The following LINGO2 variants were observed in gnomAD, a reference collection of about 807,000 sequenced individuals.
LINGO2 encodes leucine-rich repeat and immunoglobulin-like domain-containing nogo receptor-interacting protein 2.
LINGO2 carries 14 observed loss-of-function variants against 30.6 expected under a neutral mutation model. The ratio of observed to expected loss-of-function variants is 0.46; its 90% CI spans 0.30 to 0.72. The LOEUF is 0.72. Among genes scored for constraint, LINGO2 ranks in the 30% least tolerant of loss-of-function variants. The pLI is 0.07. For missense variants in LINGO2, 729 were observed against 751.7 expected (o/e 0.97, Z 0.35); for synonymous variants, 317 against 288.5 (o/e 1.10, Z -1.00).
the LINGO2 span, among the ~76,000 whole-genome samples, chr9:28,787,672 T>C: frequency 1.3e-5 from 2 of 152,278 alleles, no homozygotes; most frequent in South Asian, 4.1e-4. Flanking sequence ...AGTATGATTA[T>C]TCCTAACACC....
At chr9:28,488,271 T>A (rs1048317602) in intron 1 of LINGO2, among the ~76,000 whole-genome samples, 10 of 152,088 alleles carry the variant, frequency 6.6e-5, no homozygotes, top group African/African-American at 2.4e-4. Flanking sequence ...TAAAAAGACA[T>A]TAAGAAAAAA....
At chr9:28,179,840 T>C (rs941560479) in intron 4 of LINGO2, among the ~76,000 whole-genome samples, 6 of 151,794 alleles carry the variant, frequency 4.0e-5, no homozygotes, top group South Asian at 2.1e-4. Context: ...AAGAAAACTG[T>C]AGTTTCTGAG....
the LINGO2 span, among the ~76,000 whole-genome samples, chr9:29,030,195 GAT>G: frequency 6.6e-6 from 1 of 151,992 alleles, no homozygotes; most frequent in Non-Finnish European, 1.5e-5. Context: ...TATTTCTAAA[GAT>G]ATTTGCCATT....
intron 1 of LINGO2, among the ~76,000 whole-genome samples, chr9:28,546,279 G>A (rs561886942): frequency 1.3e-5 from 2 of 151,954 alleles, no homozygotes; most frequent in Admixed American, 6.6e-5. Flanking sequence ...TATAGCAAAA[G>A]GCAGGTTAAT....
upstream of LINGO2, among the ~76,000 whole-genome samples, chr9:28,671,769 C>A (rs1829026971): frequency 6.6e-6 from 1 of 151,798 alleles, no homozygotes; most frequent in South Asian, 2.1e-4. Context: ...TGAACGTGTA[C>A]CCCAAACCTA....
intron 1 of LINGO2, among the ~76,000 whole-genome samples, chr9:28,570,031 TTAA>T (rs1253649141): frequency 6.6e-6 from 1 of 151,874 alleles, no homozygotes; most frequent in Non-Finnish European, 1.5e-5. Flanking sequence ...GCAGTGATAG[TTAA>T]TAAACTGACG....
chr9:28,881,620 G>A, the LINGO2 span, among the ~76,000 whole-genome samples: 12,951 of 148,284 alleles, frequency 0.087, 629 homozygotes, highest in African/African-American at 0.14. Flanking sequence ...TTCAATGTAC[G>A]GTATGGTTTC....
chr9:28,525,228 G>A (rs1820974478), intron 1 of LINGO2, among the ~76,000 whole-genome samples: 1 of 152,144 alleles, frequency 6.6e-6, no homozygotes, highest in Non-Finnish European at 1.5e-5. Flanking sequence ...AGAATGTAGA[G>A]AAATTAGAAC....
At chr9:28,136,804 T>G (rs1178490573) in intron 4 of LINGO2, among the ~76,000 whole-genome samples, 1 of 152,172 alleles carries the variant, frequency 6.6e-6, no homozygotes, top group Non-Finnish European at 1.5e-5. Flanking sequence ...GGTGTGTTCG[T>G]GAGGGTGTTT....
chr9:28,362,728 C>T (rs1186892830), intron 3 of LINGO2, among the ~76,000 whole-genome samples: 1 of 152,116 alleles, frequency 6.6e-6, no homozygotes, highest in Admixed American at 6.5e-5. Context: ...CCTCAGCCTC[C>T]AAAGTGCAGG....
At chr9:28,959,774 C>T in the LINGO2 span, among the ~76,000 whole-genome samples, 1 of 151,930 alleles carries the variant, frequency 6.6e-6, no homozygotes, top group Admixed American at 6.6e-5. Flanking sequence ...TTTTCAAGGC[C>T]TGGAAGAAAG....
chr9:28,273,334 A>G (rs1823008412), intron 4 of LINGO2, among the ~76,000 whole-genome samples: 1 of 152,216 alleles, frequency 6.6e-6, no homozygotes, highest in Non-Finnish European at 1.5e-5. Flanking sequence ...AATCCTGCCA[A>G]TGGCAAAAGC....
chr9:27,943,765 A>C (rs974659781), downstream of LINGO2: 4 of 152,240 alleles, frequency 2.6e-5, 1 homozygote, highest in South Asian at 2.1e-4. Context: ...AGAGTGAAGG[A>C]TCATTTCAAT....
chr9:28,930,298 A>G, the LINGO2 span, among the ~76,000 whole-genome samples: 13,866 of 152,166 alleles, frequency 0.091, 725 homozygotes, highest in South Asian at 0.16. The surrounding 1 kb of genome is among the most constrained non-coding windows in gnomAD (Gnocchi z 4.2). Context: ...TTGAATTCCT[A>G]AGAGAAGACT....
intron 1 of LINGO2, among the ~76,000 whole-genome samples, chr9:28,620,428 A>C (rs1826338294): frequency 6.6e-6 from 1 of 152,050 alleles, no homozygotes; most frequent in Non-Finnish European, 1.5e-5. Flanking sequence ...TTTATACTTC[A>C]GATCATTTGT....
At chr9:29,126,080 T>C in the LINGO2 span, among the ~76,000 whole-genome samples, 1 of 152,136 alleles carries the variant, frequency 6.6e-6, no homozygotes, top group Non-Finnish European at 1.5e-5. Flanking sequence ...GGAACTACTT[T>C]ACCTCTTTTG....
intron 4 of LINGO2, among the ~76,000 whole-genome samples, chr9:28,209,573 T>G (rs1820521610): frequency 6.6e-6 from 1 of 151,964 alleles, no homozygotes; most frequent in Non-Finnish European, 1.5e-5. Flanking sequence ...TAAAATCACC[T>G]TTAGTAATAG....
chr9:28,117,553 A>C (rs1826957068), intron 4 of LINGO2, among the ~76,000 whole-genome samples: 2 of 79,934 alleles, frequency 2.5e-5, no homozygotes, highest in South Asian at 5.4e-4. Context: ...CTGTGCTAGC[A>C]ACCAGCGAGA....
rs766343591 is a variant in LINGO2, at chr9:28,139,360, G to C, written c.-86-126955C>G. On this transcript the variant is annotated intron_variant, in intron 4 of 5. Coordinates refer to ENST00000379992, the Ensembl canonical transcript of LINGO2. ...CAAATAGTGGATACATGTGCATGTGGAATAAAGTATCCTTAACTCAAATTG... is the reference window on the plus strand; with the variant it reads ...CAAATAGTGGATACATGTGCATGTGCAATAAAGTATCCTTAACTCAAATTG... 2.6e-5 allele frequency among the ~76,000 whole-genome samples: 4 copies of C among 152,156 alleles called. 1 individual carries two copies. Among genetic ancestry groups the C allele is most frequent in the Non-Finnish European group, 5.9e-5 (4 of 68,030 alleles).
Sources: allele counts gnomAD v4.1 joint callset (sites outside exome capture counted in the v4.1 genomes callset), GRCh38; gene constraint gnomAD v4.1.1; non-coding constraint Gnocchi (gnomAD v3.1); transcripts MANE v1.5; gene names NCBI Gene and HGNC (gene_info 2026-07-23, HGNC 2026-07-21).